Variants in MACROD2 observed in about 807,000 individuals in gnomAD.
MACROD2 encodes mono-ADP ribosylhydrolase 2.
Under a neutral mutation model 70.4 loss-of-function variants are expected in MACROD2, and 36 were observed. The ratio of observed to expected loss-of-function variants is 0.51; its 90% confidence interval spans 0.39 to 0.68. The LOEUF is 0.68. Among genes scored for constraint, MACROD2 ranks in the 30% least tolerant of loss-of-function variants. The pLI is 0.00. For synonymous variants in MACROD2, 172 were observed against 178.8 expected, an observed-to-expected ratio of 0.96 and a Z score of 0.30; for missense variants, 496 against 538.4, an observed-to-expected ratio of 0.92 and a Z score of 0.78.
chr20:14,154,059 A>T (rs1391237510), intron 3 of MACROD2, among the ~76,000 whole-genome samples: 1 of 152,192 alleles, frequency 6.6e-6, no homozygotes, highest in African/African-American at 2.4e-5. Flanking sequence ...GTTTCCCAAG[A>T]CTTTGAACTG....
At chr20:14,083,276 A>G (rs1405067307) in intron 2 of MACROD2, among the ~76,000 whole-genome samples, 2 of 152,006 alleles carry the variant, frequency 1.3e-5, no homozygotes, top group African/African-American at 4.8e-5. Flanking sequence ...TCCTAAAAAT[A>G]GCTGGGCGTG....
intron 3 of MACROD2, among the ~76,000 whole-genome samples, chr20:14,146,687 C>A (rs1231407832): frequency 6.6e-6 from 1 of 152,164 alleles, no homozygotes; most frequent in Non-Finnish European, 1.5e-5. Flanking sequence ...GTGGAGAAGT[C>A]TTTTAGATTG....
chr20:14,665,373 G>A (rs117343412), intron 4 of MACROD2, among the ~76,000 whole-genome samples: 4,265 of 151,730 alleles, frequency 0.028, 91 homozygotes, highest in Non-Finnish European at 0.038. Flanking sequence ...GAAGGGTGAA[G>A]TAGAAAAGTT....
intron 5 of MACROD2, among the ~76,000 whole-genome samples, chr20:15,094,780 A>G (rs2075816645): frequency 6.6e-6 from 1 of 152,176 alleles, no homozygotes; most frequent in South Asian, 2.1e-4. Flanking sequence ...ACACAGGAAC[A>G]TTATTGAGAT....
chr20:14,609,802 A>G (rs1337786408), intron 4 of MACROD2, among the ~76,000 whole-genome samples: 1 of 152,080 alleles, frequency 6.6e-6, no homozygotes, highest in African/African-American at 2.4e-5. Flanking sequence ...AGATAACAGG[A>G]CTGTCTGGGG....
chr20:15,611,989 C>A (rs747721304), intron 8 of MACROD2, among the ~76,000 whole-genome samples: 2 of 151,158 alleles, frequency 1.3e-5, no homozygotes, highest in Non-Finnish European at 2.9e-5. Flanking sequence ...CCTACCACCA[C>A]CCGGCAACAC....
intron 8 of MACROD2, among the ~76,000 whole-genome samples, chr20:15,550,696 T>C (rs1156484046): frequency 6.6e-6 from 1 of 152,228 alleles, no homozygotes; most frequent in Non-Finnish European, 1.5e-5. Context: ...ACCATTATAT[T>C]GATGGCTGCA....
chr20:15,410,654 C>A (rs932997052), intron 6 of MACROD2, among the ~76,000 whole-genome samples: 1 of 84,394 alleles, frequency 1.2e-5, no homozygotes, highest in Admixed American at 9.9e-5. Flanking sequence ...TGAATTCTGT[C>A]ACACACACAC....
chr20:15,842,139 A>G (rs572285115), intron 8 of MACROD2, among the ~76,000 whole-genome samples: 1 of 152,168 alleles, frequency 6.6e-6, no homozygotes, highest in East Asian at 1.9e-4. Flanking sequence ...GAGTGACACA[A>G]GGCAACATTT....
chr20:15,295,433 A>C (rs1464534109), intron 6 of MACROD2, among the ~76,000 whole-genome samples: 1 of 152,158 alleles, frequency 6.6e-6, no homozygotes, highest in African/African-American at 2.4e-5. Flanking sequence ...GAGATGAGAA[A>C]GAGAATGTGT....
At chr20:14,589,517 T>TTTCC (rs1384036912) in intron 4 of MACROD2, among the ~76,000 whole-genome samples, 28 of 152,216 alleles carry the variant, frequency 1.8e-4, no homozygotes, top group Non-Finnish European at 1.5e-5. Flanking sequence ...TCTGTTATAC[T>TTTCC]ATTATATTTT....
intron 3 of MACROD2, among the ~76,000 whole-genome samples, chr20:14,207,607 C>T (rs1013113298): frequency 1.3e-5 from 2 of 152,110 alleles, no homozygotes; most frequent in East Asian, 1.9e-4. Flanking sequence ...TGTGAAAACT[C>T]GACTGAGGGT....
intron 6 of MACROD2, among the ~76,000 whole-genome samples, chr20:15,292,734 T>C (rs1232973584): frequency 1.3e-5 from 2 of 152,224 alleles, no homozygotes; most frequent in African/African-American, 2.4e-5. Context: ...TATTATAAAG[T>C]ATGGTAAGTA....
intron 8 of MACROD2, among the ~76,000 whole-genome samples, chr20:15,832,062 G>C (rs1237663873): frequency 6.6e-6 from 1 of 152,066 alleles, no homozygotes; most frequent in Non-Finnish European, 1.5e-5. Flanking sequence ...GTTCTTTGTC[G>C]GACCTGCATG....
At chr20:14,892,331 C>T (rs1024148943) in intron 5 of MACROD2, among the ~76,000 whole-genome samples, 4 of 151,908 alleles carry the variant, frequency 2.6e-5, no homozygotes, top group East Asian at 1.9e-4. Context: ...AAAAATTAGC[C>T]GGGCTTGGTG....
At chr20:15,115,620 C>A (rs1312051138) in intron 5 of MACROD2, among the ~76,000 whole-genome samples, 1 of 151,982 alleles carries the variant, frequency 6.6e-6, no homozygotes, top group African/African-American at 2.4e-5. Context: ...GAATCAGAAT[C>A]CTGATTCTAA....
At chr20:15,007,078 G>A (rs1350595982) in intron 5 of MACROD2, among the ~76,000 whole-genome samples, 2 of 151,500 alleles carry the variant, frequency 1.3e-5, no homozygotes, top group Admixed American at 6.6e-5. Context: ...TAAAAACCCA[G>A]GAGAGGCCGG....
chr20:15,571,322 A>C (rs1399689924), intron 8 of MACROD2, among the ~76,000 whole-genome samples: 9 of 152,136 alleles, frequency 5.9e-5, no homozygotes, highest in African/African-American at 1.9e-4. Context: ...TTATTTTCCA[A>C]ATATCTTCCC....
intron 3 of MACROD2, among the ~76,000 whole-genome samples, chr20:14,237,298 A>C (rs1016813128): frequency 6.6e-6 from 1 of 151,830 alleles, no homozygotes; most frequent in Non-Finnish European, 1.5e-5. Flanking sequence ...CAATCTGATG[A>C]TTCTTTTTTT....
Sources: gnomAD v4.1 joint callset for allele counts (sites outside exome capture counted in the v4.1 genomes callset) on GRCh38, gnomAD v4.1.1 for gene constraint, MANE v1.5 for transcripts, NCBI Gene and HGNC (gene_info 2026-07-23, HGNC 2026-07-21) for gene names.